Variants in SBSPON observed in about 807,000 individuals in gnomAD.
SBSPON encodes the protein somatomedin-B and thrombospondin type-1 domain-containing protein.
Under a neutral mutation model 35.8 loss-of-function variants are expected in SBSPON, and 30 were observed. The observed-to-expected ratio is 0.84, with a 90% confidence interval of 0.63 to 1.14. The LOEUF is 1.14. Among genes scored for constraint, SBSPON ranks in the 50% most tolerant of loss-of-function variants. SBSPON has a pLI of 0.00. For synonymous variants in SBSPON, 136 were observed against 135.9 expected (o/e 1.00, Z 0.00); for missense variants, 364 against 357.7 (o/e 1.02, Z -0.14).
At chr8:73,074,270 A>G (rs1386634794) in intron 2 of SBSPON, among the ~76,000 whole-genome samples, 4 of 152,238 alleles carry the variant, frequency 2.6e-5, no homozygotes, top group Non-Finnish European at 5.9e-5. Flanking sequence ...TATAGCTCAG[A>G]AAAAGAGGCT....
intron 2 of SBSPON, among the ~76,000 whole-genome samples, chr8:73,079,767 G>A (rs1810659339): frequency 1.3e-5 from 2 of 152,058 alleles, no homozygotes; most frequent in Middle Eastern, 3.2e-3. Flanking sequence ...TTAATTCCCT[G>A]GATTATCTGA....
intron 2 of SBSPON, among the ~76,000 whole-genome samples, chr8:73,075,271 G>A (rs1012811328): frequency 2.0e-5 from 3 of 152,198 alleles, no homozygotes; most frequent in Non-Finnish European, 4.4e-5. Flanking sequence ...CTGTCCCCAG[G>A]CCTTGGGCTT....
rs1192198258 is a variant in SBSPON at position 73,067,073 on chromosome 8, C to G, written c.*268G>C. 3.4e-6 allele frequency: 1 copy of G among 298,112 alleles called. No individual in the cohort carries two copies. Among genetic ancestry groups the G allele is most frequent in the Non-Finnish European group, 6.3e-6 (1 of 158,196 alleles). The allele number at this position is 298,112 out of a possible 1,614,324, so 18.5% of individuals were successfully genotyped here. Reference sequence around the variant, plus strand: ...AGACATGTATTCTGTGTCTCACGGGCCACCTGCTGAATGAGAGGACTCCAG... The same window carrying G: ...AGACATGTATTCTGTGTCTCACGGGGCACCTGCTGAATGAGAGGACTCCAG... On this transcript the variant is annotated 3_prime_UTR_variant, in exon 5 of 5. Coordinates refer to ENST00000297354, the MANE Select transcript of SBSPON (RefSeq NM_153225.4).
chr8:73,078,941 C>T (rs923259470), intron 2 of SBSPON, among the ~76,000 whole-genome samples: 9 of 152,100 alleles, frequency 5.9e-5, no homozygotes, highest in African/African-American at 1.4e-4. Context: ...GTTCTCTGTG[C>T]GCCCCACATG....
intron 3 of SBSPON, among the ~76,000 whole-genome samples, chr8:73,071,096 A>G (rs1289176834): frequency 6.6e-6 from 1 of 152,162 alleles, no homozygotes; most frequent in East Asian, 1.9e-4. Context: ...GGCTCAAGCA[A>G]TCCTCCTGCT....
Position 73,064,575 on chromosome 8 carries a change from A to G in SBSPON, c.*2766T>C, listed in dbSNP as rs1012323691. On this transcript the variant is annotated 3_prime_UTR_variant, in exon 5 of 5. Coordinates refer to ENST00000297354, the MANE Select transcript of SBSPON (RefSeq NM_153225.4). The stretch of plus-strand genomic sequence containing the variant: ...GCAGGAACCAGTTTTATTAACATCA[A>G]TTTTGTGCACATCTAGAAAAGATAG... 2.0e-5 allele frequency: 3 copies of G among 152,280 alleles called. No individual in the cohort carries two copies. Among genetic ancestry groups the G allele is most frequent in the Non-Finnish European group, 4.4e-5 (3 of 68,016 alleles). The allele number at this position is 152,280 out of a possible 1,614,324, so 9.4% of individuals were successfully genotyped here.
rs1170953629 is a variant in SBSPON at position 73,092,870 on chromosome 8, G to A, written c.198C>T (p.Tyr66=). The A allele has an allele frequency of 6.2e-6, 10 of 1,611,444 alleles. No individual in the cohort carries two copies. The highest frequency in any genetic ancestry group is 8.5e-6 in the Non-Finnish European group (10 of 1,179,208). The change falls in exon 1 of 5, where the codon TAC becomes TAT. Residue 66 remains tyrosine, a synonymous_variant. Coordinates refer to ENST00000297354, the MANE Select transcript of SBSPON (RefSeq NM_153225.4). ...ACCACCCACCTGGGCACGCCCTGTC[G>A]TAGTCGAAGCAGCAGTCCCCGGTGA... ...CRFTGDCCFD[Y]DRACPARPCF...
chr8:73,068,192 A>G (rs973628818), intron 4 of SBSPON, among the ~76,000 whole-genome samples: 7 of 152,230 alleles, frequency 4.6e-5, no homozygotes, highest in African/African-American at 1.4e-4. Flanking sequence ...TTTAAATACT[A>G]TATGGGTACA....
chr8:73,082,151 C>T (rs1174053874), intron 1 of SBSPON, among the ~76,000 whole-genome samples: 1 of 152,218 alleles, frequency 6.6e-6, no homozygotes, highest in Admixed American at 6.5e-5. Context: ...GCAATTTCCT[C>T]ACCATGACCA....
At chr8:73,072,525 C>T (rs777522333) in intron 2 of SBSPON, among the ~76,000 whole-genome samples, 21 of 151,994 alleles carry the variant, frequency 1.4e-4, no homozygotes, top group Non-Finnish European at 2.1e-4. Context: ...AAAAATTAGC[C>T]GGGCGTGGTG....
intron 1 of SBSPON, among the ~76,000 whole-genome samples, chr8:73,082,313 C>T (rs914346128): frequency 1.3e-5 from 2 of 152,116 alleles, no homozygotes. Context: ...GACCTAGATG[C>T]CAAACATTTT....
chr8:73,070,009 T>C, intron 3 of SBSPON, 28 bp from the exon 4 acceptor site: 2 of 1,455,176 alleles, frequency 1.4e-6, no homozygotes, highest in Non-Finnish European at 1.9e-6. Flanking sequence ...ACAATGACAC[T>C]TGCTGTAATG....
intron 2 of SBSPON, 45 bp downstream of exon 2, chr8:73,080,974 A>G: frequency 2.7e-6 from 4 of 1,492,948 alleles, no homozygotes; most frequent in Non-Finnish European, 3.6e-6. Flanking sequence ...GTGGTCAAAA[A>G]GTCATCACAG....
At chr8:73,077,311 T>C (rs371327733) in intron 2 of SBSPON, among the ~76,000 whole-genome samples, 29 of 152,242 alleles carry the variant, frequency 1.9e-4, no homozygotes, top group African/African-American at 6.8e-4. Context: ...GAACCAATGA[T>C]GCCTGTAAGA....
At chr8:73,075,809 A>G in intron 2 of SBSPON, 1 of 881,462 alleles carries the variant, frequency 1.1e-6, no homozygotes, top group South Asian at 5.2e-5. Context: ...CATATGGTTT[A>G]TAATAATGCA....
intron 2 of SBSPON, among the ~76,000 whole-genome samples, chr8:73,074,979 G>A (rs1204899404): frequency 6.6e-6 from 1 of 152,250 alleles, no homozygotes; most frequent in Non-Finnish European, 1.5e-5. Flanking sequence ...TAAGTAGTAA[G>A]TGACTAAGCA....
chr8:73,089,958 T>C (rs140877817), intron 1 of SBSPON, among the ~76,000 whole-genome samples: 2 of 152,292 alleles, frequency 1.3e-5, no homozygotes, highest in Non-Finnish European at 2.9e-5. Flanking sequence ...CAACTCACTG[T>C]AGTCTCTACC....
intron 2 of SBSPON, among the ~76,000 whole-genome samples, chr8:73,072,600 C>T (rs942023290): frequency 2.6e-5 from 4 of 152,158 alleles, no homozygotes; most frequent in African/African-American, 7.2e-5. Flanking sequence ...ACCCGGGAGG[C>T]GGAGGTTTCA....
chr8:73,068,381 A>G (rs1297957003), intron 4 of SBSPON, among the ~76,000 whole-genome samples: 1 of 152,220 alleles, frequency 6.6e-6, no homozygotes, highest in Non-Finnish European at 1.5e-5. Context: ...TTAAATATGA[A>G]AACATTCTAC....
Sources: allele counts gnomAD v4.1 joint callset (sites outside exome capture counted in the v4.1 genomes callset), GRCh38; gene constraint gnomAD v4.1.1; transcripts MANE v1.5; gene names NCBI Gene and HGNC (gene_info 2026-07-23, HGNC 2026-07-21).